The following TRPM3 variants were observed in gnomAD, a reference collection of about 807,000 sequenced individuals.
TRPM3 encodes long transient receptor potential channel 3.
TRPM3 carries 77 observed loss-of-function variants against 181.2 expected under a neutral mutation model. The observed-to-expected ratio is 0.42, with a 90% CI of 0.35 to 0.51. The LOEUF (loss-of-function observed/expected upper bound fraction) is 0.51. TRPM3 is among the 20% of genes least tolerant of loss of function. TRPM3 has a pLI of 0.01. For synonymous variants in TRPM3, 745 were observed against 796.4 expected (o/e 0.94, Z 1.09); for missense variants, 1,759 against 2,196.7 (o/e 0.80, Z 3.98).
At chr9:70,993,669 G>T (rs970683965) in intron 1 of TRPM3, among the ~76,000 whole-genome samples, 4 of 151,930 alleles carry the variant, frequency 2.6e-5, no homozygotes, top group African/African-American at 9.7e-5. Flanking sequence ...TGACACCAAG[G>T]GGGTGCGTGA....
intron 8 of TRPM3, among the ~76,000 whole-genome samples, chr9:70,683,868 A>G (rs917922949): frequency 1.3e-5 from 2 of 152,148 alleles, no homozygotes; most frequent in African/African-American, 4.8e-5. Context: ...TCCACTGGAG[A>G]AAGAACCAGG....
At chr9:70,540,613 TG>T (rs577262404) in intron 25 of TRPM3, among the ~76,000 whole-genome samples, 1 of 152,240 alleles carries the variant, frequency 6.6e-6, no homozygotes, top group Non-Finnish European at 1.5e-5. Flanking sequence ...GGTGGAAGGA[TG>T]GCTTGAGCCC....
At chr9:71,302,236 CTCT>C (rs761897953) in intron 1 of TRPM3, among the ~76,000 whole-genome samples, 1 of 152,126 alleles carries the variant, frequency 6.6e-6, no homozygotes, top group African/African-American at 2.4e-5. Flanking sequence ...ATTGCAAATA[CTCT>C]TCAACATGTC....
At chr9:71,251,293 T>C (rs1381776583) in intron 1 of TRPM3, among the ~76,000 whole-genome samples, 1 of 152,172 alleles carries the variant, frequency 6.6e-6, no homozygotes, top group African/African-American at 2.4e-5. Flanking sequence ...TCACCAGTTA[T>C]AATTCTTCAC....
rs2096994485 is a variant in TRPM3, at chr9:70,951,204, G to A, written c.178-86693C>T. Among the ~76,000 whole-genome samples, 3 of 152,046 alleles carry A rather than the reference G, an allele frequency of 2.0e-5. No individual in the cohort carries two copies. In the South Asian group the frequency reaches 6.2e-4, roughly 32 times the overall value. ...CGAATTAGGAATGTAAAAGATCCAGGAAAATATAGGTATAATATTAAGAGG... is the reference window on the plus strand; with the variant it reads ...CGAATTAGGAATGTAAAAGATCCAGAAAAATATAGGTATAATATTAAGAGG... On this transcript the variant is annotated intron_variant, in intron 1 of 25. Transcript: ENST00000677713.
intron 1 of TRPM3, among the ~76,000 whole-genome samples, chr9:71,311,106 TAAAGAAAATATAAA>T (rs1257313376): frequency 6.6e-6 from 1 of 152,102 alleles, no homozygotes; most frequent in Non-Finnish European, 1.5e-5. Flanking sequence ...AGGGTGACTT[TAAAGAAAATATAAA>T]AAAGAAAATA....
intron 9 of TRPM3, among the ~76,000 whole-genome samples, chr9:70,659,159 G>C (rs1411474411): frequency 6.6e-6 from 1 of 152,110 alleles, no homozygotes; most frequent in African/African-American, 2.4e-5. Context: ...CACAACTGGA[G>C]AACCTGGTTA....
At chr9:70,852,134 A>C (rs2095253564) in intron 3 of TRPM3, among the ~76,000 whole-genome samples, 1 of 147,492 alleles carries the variant, frequency 6.8e-6, no homozygotes, top group Admixed American at 6.8e-5. Context: ...TCTCCAAAAA[A>C]AAAAAAAAAA....
At chr9:70,846,218 T>G (rs2132068638) in intron 4 of TRPM3, among the ~76,000 whole-genome samples, 160 bp downstream of exon 4, 1 of 152,310 alleles carries the variant, frequency 6.6e-6, no homozygotes, top group African/African-American at 2.4e-5. Context: ...AACTTTACAG[T>G]TCTCATTTAG....
At chr9:70,901,585 A>T (rs1414738109) in intron 1 of TRPM3, among the ~76,000 whole-genome samples, 1 of 152,364 alleles carries the variant, frequency 6.6e-6, no homozygotes, top group Middle Eastern at 3.4e-3. Flanking sequence ...ATATCCAGAA[A>T]TAAATTCAAT....
intron 19 of TRPM3, among the ~76,000 whole-genome samples, chr9:70,606,575 T>C (rs548474627): frequency 9.2e-5 from 14 of 152,006 alleles, no homozygotes; most frequent in African/African-American, 3.1e-4. Context: ...ATCATAGAAC[T>C]CACCAACATT....
chr9:70,841,733 T>C (rs1327694786), intron 5 of TRPM3, among the ~76,000 whole-genome samples: 1 of 148,042 alleles, frequency 6.8e-6, no homozygotes, highest in Non-Finnish European at 1.5e-5. Flanking sequence ...TATATATATA[T>C]ATGGTGGGAT....
At chr9:71,181,001 TTTTC>T (rs1188083410) in intron 1 of TRPM3, among the ~76,000 whole-genome samples, 1 of 152,162 alleles carries the variant, frequency 6.6e-6, no homozygotes, top group Non-Finnish European at 1.5e-5. Context: ...TGAGTGTTTA[TTTTC>T]TTTATGATAA....
At chr9:71,240,767 G>C (rs2081617892) in intron 1 of TRPM3, among the ~76,000 whole-genome samples, 1 of 152,130 alleles carries the variant, frequency 6.6e-6, no homozygotes, top group Admixed American at 6.6e-5. Context: ...CATATTCAGG[G>C]AGAAAACCAA....
At chr9:71,280,647 T>G (rs1469005502) in intron 1 of TRPM3, among the ~76,000 whole-genome samples, 1 of 152,236 alleles carries the variant, frequency 6.6e-6, no homozygotes, top group South Asian at 2.1e-4. Flanking sequence ...CAGACCACCC[T>G]GTATTCCAAC....
chr9:71,100,222 C>T (rs1186003014), intron 1 of TRPM3, among the ~76,000 whole-genome samples: 2 of 152,048 alleles, frequency 1.3e-5, no homozygotes, highest in Non-Finnish European at 2.9e-5. Context: ...ACTACAATAA[C>T]TCAGGAAAAT....
At chr9:71,084,537 A>C (rs1337663072) in intron 1 of TRPM3, among the ~76,000 whole-genome samples, 5 of 152,072 alleles carry the variant, frequency 3.3e-5, no homozygotes, top group Non-Finnish European at 7.4e-5. Context: ...CCACACACAC[A>C]CAAAAATACC....
intron 1 of TRPM3, among the ~76,000 whole-genome samples, chr9:70,887,792 A>G (rs932720449): frequency 1.3e-5 from 2 of 152,190 alleles, no homozygotes; most frequent in African/African-American, 4.8e-5. Context: ...CTCTATGTAC[A>G]TAAATACACA....
chr9:70,940,352 CTT>C (rs2096873665), intron 1 of TRPM3, among the ~76,000 whole-genome samples: 2 of 152,194 alleles, frequency 1.3e-5, no homozygotes, highest in African/African-American at 4.8e-5. Flanking sequence ...TGTTTTATCT[CTT>C]TATAGTTCTT....
Sources: allele counts gnomAD v4.1 joint callset (sites outside exome capture counted in the v4.1 genomes callset), GRCh38; gene constraint gnomAD v4.1.1; transcripts MANE v1.5; gene names NCBI Gene and HGNC (gene_info 2026-07-23, HGNC 2026-07-21).